SPTSSA: variants seen among roughly 807,000 people sequenced by gnomAD.
SPTSSA encodes the protein small subunit of serine palmitoyltransferase A.
A neutral mutation model predicts 9.1 loss-of-function variants in SPTSSA; 8 were observed. The ratio of observed to expected loss-of-function variants is 0.88; its 90% CI spans 0.51 to 1.58. The LOEUF (loss-of-function observed/expected upper bound fraction) is 1.58. Ranked by LOEUF, SPTSSA falls within the 40% of genes most tolerant of loss-of-function variation. The probability of loss-of-function intolerance (pLI) is 0.00; values close to 1 mark genes in which losing one functional copy is unlikely to be tolerated. For missense variants in SPTSSA, 100 were observed against 93.8 expected (o/e 1.07, Z -0.27); for synonymous variants, 42 against 37.7 (o/e 1.11, Z -0.41).
At position 34,462,181 on chromosome 14, in the gene SPTSSA, G is replaced by C; in HGVS notation, c.27C>G (p.Ala9=). The part of the protein sequence containing the change: MAGMALAR[A]WKQMSWFYYQ... ...AGTAGAACCAGGACATCTGCTTCCAGGCCCGCGCCAGCGCCATCCCCGCCA... is the reference window on the plus strand; with the variant it reads ...AGTAGAACCAGGACATCTGCTTCCACGCCCGCGCCAGCGCCATCCCCGCCA... The change falls in exon 1 of 2, where the codon GCC becomes GCG. Residue 9 remains alanine (A), a synonymous_variant. Transcript: ENST00000298130. 11 of 1,534,310 alleles carry C rather than the reference G, an allele frequency of 7.2e-6. No homozygotes were observed. Among genetic ancestry groups the C allele is most frequent in the Non-Finnish European group, 9.7e-6 (11 of 1,136,714 alleles).
intron 1 of SPTSSA, among the ~76,000 whole-genome samples, chr14:34,439,315 A>G (rs527886614): frequency 1.3e-5 from 2 of 152,066 alleles, no homozygotes; most frequent in African/African-American, 4.8e-5. Flanking sequence ...GCCAACACTC[A>G]CGGAGGCTTG....
At chr14:34,448,978 T>C (rs189261560) in intron 1 of SPTSSA, among the ~76,000 whole-genome samples, 1 of 152,266 alleles carries the variant, frequency 6.6e-6, no homozygotes, top group African/African-American at 2.4e-5. Context: ...CCAGCCTGGA[T>C]GACAGAGTGA....
intron 1 of SPTSSA, among the ~76,000 whole-genome samples, chr14:34,456,960 T>TATTATTATC (rs1566426993): frequency 1.4e-5 from 2 of 147,944 alleles, no homozygotes; most frequent in Non-Finnish European, 3.0e-5. Flanking sequence ...TTATTATTAT[T>TATTATTATC]ATTATTATTA....
chr14:34,442,051 T>C (rs1283195221), intron 1 of SPTSSA, among the ~76,000 whole-genome samples: 1 of 152,106 alleles, frequency 6.6e-6, no homozygotes, highest in African/African-American at 2.4e-5. Flanking sequence ...AATTTTTGTA[T>C]TTTTAGTAGA....
Position 34,449,746 on chromosome 14 carries a change from G to A in SPTSSA, c.112+12350C>T, listed in dbSNP as rs567721395. Reference sequence around the variant, plus strand: ...TCGAACTCCTGGCCTCAGGTGATCCGCCCACCTCAGTCTCCCAAAGTGCTG... The same window carrying A: ...TCGAACTCCTGGCCTCAGGTGATCCACCCACCTCAGTCTCCCAAAGTGCTG... On this transcript the variant is annotated intron_variant, in intron 1 of 1. Coordinates refer to ENST00000298130, the MANE Select transcript of SPTSSA (RefSeq NM_138288.4). Among the ~76,000 whole-genome samples, 40 of 143,576 alleles carry A rather than the reference G, an allele frequency of 2.8e-4. 1 individual carries two copies. Among genetic ancestry groups the A allele is most frequent in the Middle Eastern group, 4.1e-3 (1 of 242 alleles). The allele number at this position is 143,576 out of a possible 152,430, so 94.2% of individuals were successfully genotyped here.
At chr14:34,438,809 G>T (rs1056388042) in intron 1 of SPTSSA, among the ~76,000 whole-genome samples, 4 of 152,058 alleles carry the variant, frequency 2.6e-5, no homozygotes, top group Non-Finnish European at 4.4e-5. Context: ...TTACTTAGAT[G>T]ATAGAAAGTT....
chr14:34,461,496 G>C (rs1460155928), intron 1 of SPTSSA, among the ~76,000 whole-genome samples: 2 of 152,164 alleles, frequency 1.3e-5, no homozygotes, highest in African/African-American at 2.4e-5. Context: ...CGACTTCTAC[G>C]GACGGTGCAC....
chr14:34,456,145 AC>A (rs1251363669), intron 1 of SPTSSA, among the ~76,000 whole-genome samples: 1 of 151,692 alleles, frequency 6.6e-6, no homozygotes, highest in Non-Finnish European at 1.5e-5. Context: ...ACATGGTGAA[AC>A]CCCGTCTCTA....
chr14:34,458,232 A>AC (rs900305030), intron 1 of SPTSSA, among the ~76,000 whole-genome samples: 1 of 152,080 alleles, frequency 6.6e-6, no homozygotes, highest in Non-Finnish European at 1.5e-5. Context: ...ACAGGCTGTC[A>AC]CCTAGGCTGG....
chr14:34,453,633 T>A (rs1883564471), intron 1 of SPTSSA, among the ~76,000 whole-genome samples: 1 of 152,238 alleles, frequency 6.6e-6, no homozygotes, highest in East Asian at 1.9e-4. Flanking sequence ...CTAAATTGCA[T>A]ACATTTTAAG....
At chr14:34,439,032 G>C (rs1424984833) in intron 1 of SPTSSA, among the ~76,000 whole-genome samples, 1 of 152,198 alleles carries the variant, frequency 6.6e-6, no homozygotes, top group Non-Finnish European at 1.5e-5. Flanking sequence ...GCTATTTATT[G>C]AGGGAATTTT....
At chr14:34,453,232 C>T (rs1458328770) in intron 1 of SPTSSA, among the ~76,000 whole-genome samples, 1 of 152,228 alleles carries the variant, frequency 6.6e-6, no homozygotes, top group African/African-American at 2.4e-5. Flanking sequence ...GTACTCCTAA[C>T]CCCCAAGTGG....
At chr14:34,456,623 C>T (rs959728691) in intron 1 of SPTSSA, among the ~76,000 whole-genome samples, 4 of 151,986 alleles carry the variant, frequency 2.6e-5, no homozygotes, top group Non-Finnish European at 5.9e-5. Flanking sequence ...TTAGGCCAGG[C>T]GCGGTAGCTC....
rs71419987 is a variant in SPTSSA at position 34,450,511 on chromosome 14, G to A, written c.112+11585C>T. On this transcript the variant is annotated intron_variant, in intron 1 of 1. Coordinates refer to ENST00000298130, the MANE Select transcript of SPTSSA (RefSeq NM_138288.4). The stretch of plus-strand genomic sequence containing the variant: ...TAATGGAGTAATCTTTCTATTTACC[G>A]AACTCTTCTTGTTGTTTGCATAAGT... Among the ~76,000 whole-genome samples the A allele has an allele frequency of 9.5e-3, 1,448 of 152,248 alleles. 21 individuals carry two copies. The highest frequency in any genetic ancestry group is 0.012 in the Non-Finnish European group (795 of 68,034).
chr14:34,447,101 G>A (rs1353453297), intron 1 of SPTSSA, among the ~76,000 whole-genome samples: 2 of 151,828 alleles, frequency 1.3e-5, no homozygotes, highest in Non-Finnish European at 2.9e-5. Flanking sequence ...GCAGGCACCT[G>A]TAATCCCAGC....
At chr14:34,436,766 T>C (rs1449635213) in intron 1 of SPTSSA, among the ~76,000 whole-genome samples, 1 of 152,192 alleles carries the variant, frequency 6.6e-6, no homozygotes, top group Non-Finnish European at 1.5e-5. Context: ...AAGCTGTCTT[T>C]AGAGCCAGAG....
chr14:34,453,848 A>C (rs922184364), intron 1 of SPTSSA, among the ~76,000 whole-genome samples: 34 of 151,960 alleles, frequency 2.2e-4, no homozygotes, highest in African/African-American at 8.0e-4. Context: ...CACATAGCTT[A>C]AATTACTAAA....
chr14:34,445,492 C>T (rs763608058), intron 1 of SPTSSA, among the ~76,000 whole-genome samples: 4 of 152,100 alleles, frequency 2.6e-5, no homozygotes, highest in Non-Finnish European at 4.4e-5. Context: ...CAGAGCAAGA[C>T]TCTGTCTCAA....
At chr14:34,453,470 C>T (rs1883562128) in intron 1 of SPTSSA, among the ~76,000 whole-genome samples, 1 of 152,220 alleles carries the variant, frequency 6.6e-6, no homozygotes. Context: ...TGTATTACAT[C>T]AGCACCTACT....
Sources: gnomAD v4.1 joint callset for allele counts (sites outside exome capture counted in the v4.1 genomes callset) on GRCh38, gnomAD v4.1.1 for gene constraint, MANE v1.5 for transcripts, NCBI Gene and HGNC (gene_info 2026-07-23, HGNC 2026-07-21) for gene names.